FAM184A: variants seen among roughly 807,000 people sequenced by gnomAD.
FAM184A encodes the protein family with sequence similarity 184 member A.
FAM184A carries 99 observed loss-of-function variants against 143.8 expected under a neutral mutation model. That is an observed-to-expected ratio of 0.69 (90% confidence interval 0.58 to 0.81). The LOEUF (loss-of-function observed/expected upper bound fraction) is 0.81. Among genes scored for constraint, FAM184A ranks in the 40% least tolerant of loss-of-function variants. The pLI is 0.00. For missense variants in FAM184A, 1,217 were observed against 1,310.5 expected, an observed-to-expected ratio of 0.93 and a Z score of 1.10; for synonymous variants, 427 against 446.4, an observed-to-expected ratio of 0.96 and a Z score of 0.55.
intron 1 of FAM184A, among the ~76,000 whole-genome samples, chr6:119,140,450 G>A (rs892188854): frequency 5.9e-5 from 9 of 152,182 alleles, no homozygotes; most frequent in African/African-American, 2.2e-4. Flanking sequence ...CACCTTTGAA[G>A]GACAAATGCA....
intron 1 of FAM184A, among the ~76,000 whole-genome samples, chr6:119,095,953 T>C (rs1024261515): frequency 6.6e-6 from 1 of 152,226 alleles, no homozygotes; most frequent in Non-Finnish European, 1.5e-5. Context: ...ATGTTGACTC[T>C]TGTGGGTTCC....
intron 1 of FAM184A, among the ~76,000 whole-genome samples, chr6:119,055,562 A>G (rs1426412674): frequency 6.6e-6 from 1 of 152,102 alleles, no homozygotes. Context: ...TTCATTGTCA[A>G]TTTTTTTATT....
intron 1 of FAM184A, among the ~76,000 whole-genome samples, chr6:119,112,226 G>T (rs9489593): frequency 0.2 from 29,727 of 151,648 alleles, 3,085 homozygotes; most frequent in Non-Finnish European, 0.23. Context: ...CCGCCTCCCG[G>T]GTTCAAGCAA....
intron 6 of FAM184A, 74 bp downstream of exon 6, chr6:119,011,235 C>CT: frequency 7.8e-7 from 1 of 1,286,922 alleles, no homozygotes; most frequent in Non-Finnish European, 1.1e-6. Context: ...ACTTACCTAC[C>CT]TATACAATGT....
chr6:119,014,889 T>C (rs1785191304), intron 5 of FAM184A, among the ~76,000 whole-genome samples: 1 of 151,976 alleles, frequency 6.6e-6, no homozygotes, highest in African/African-American at 2.4e-5. Context: ...TGAAACCCTG[T>C]CTGTACTAAA....
chr6:119,011,187 TA>T, intron 6 of FAM184A, 121 bp downstream of exon 6: 1 of 810,128 alleles, frequency 1.2e-6, no homozygotes, highest in Non-Finnish European at 1.8e-6. Flanking sequence ...TTAAAGTTTT[TA>T]AATTATTTTT....
chr6:119,126,068 G>A (rs1006724039), intron 1 of FAM184A, among the ~76,000 whole-genome samples: 7 of 152,262 alleles, frequency 4.6e-5, no homozygotes, highest in Non-Finnish European at 8.8e-5. Flanking sequence ...AGGTGTCAGC[G>A]AGGGCTGTGA....
intron 1 of FAM184A, among the ~76,000 whole-genome samples, chr6:119,115,309 A>G (rs1205447474): frequency 6.6e-6 from 1 of 152,232 alleles, no homozygotes; most frequent in Non-Finnish European, 1.5e-5. Context: ...GGAAATAAAT[A>G]AGATACGGCT....
intron 1 of FAM184A, among the ~76,000 whole-genome samples, chr6:119,058,423 A>T (rs980531632): frequency 1.1e-4 from 17 of 151,872 alleles, no homozygotes; most frequent in African/African-American, 4.1e-4. Flanking sequence ...GGCTGGTCTC[A>T]AACTCCTGAC....
intron 1 of FAM184A, among the ~76,000 whole-genome samples, chr6:119,066,512 T>C (rs922512748): frequency 1.3e-5 from 2 of 152,178 alleles, no homozygotes; most frequent in African/African-American, 4.8e-5. Flanking sequence ...GAGGGTGCCA[T>C]TGTGCTGCTA....
rs575367151 is a variant in FAM184A at position 118,974,684 on chromosome 6, T to G, written c.2769-110A>C. ...GTTTTTGGTATAATATATAGAAAATTTATGTAAACAGCCTAAATTAAGCTA... is the reference window on the plus strand; with the variant it reads ...GTTTTTGGTATAATATATAGAAAATGTATGTAAACAGCCTAAATTAAGCTA... On this transcript the variant is annotated intron_variant, in intron 13 of 17. Coordinates refer to ENST00000338891, the MANE Select transcript of FAM184A (RefSeq NM_024581.6). 43 of 911,946 alleles carry G rather than the reference T, an allele frequency of 4.7e-5. No homozygotes were observed. In the Admixed American group the frequency reaches 6.1e-4, roughly 13 times the overall value. 56.5% of individuals were successfully genotyped at this position (911,946 alleles called of 1,614,324 possible).
At position 118,975,956 on chromosome 6, in the gene FAM184A, T is replaced by C. The variant is rs771427640; in HGVS notation, c.2544A>G (p.Lys848=). The change falls in exon 12 of 18, where the codon AAA becomes AAG. Residue 848 remains lysine, a synonymous_variant. Transcript: ENST00000338891. ...TGTCTATGCTTCTCTCTAATTCCAT[T>C]TTAGCAGCTGCCAATTCTTGATGAT... ...HNHHQELAAA[K]MELERSIDIS... is the part of the protein sequence containing the mutation. 1.2e-6 allele frequency: 2 copies of C among 1,613,480 alleles called. No homozygotes were observed. The highest frequency in any genetic ancestry group is 1.7e-6 in the Non-Finnish European group (2 of 1,179,900).
chr6:118,962,243 AGT>A (rs1783354239), intron 16 of FAM184A: 1 of 412,484 alleles, frequency 2.4e-6, no homozygotes, highest in African/African-American at 2.0e-5. Context: ...AGGTAAAAAG[AGT>A]GCCAAGGGGT....
chr6:118,961,249 T>G (rs1034417469), intron 17 of FAM184A, among the ~76,000 whole-genome samples: 31 of 151,652 alleles, frequency 2.0e-4, no homozygotes, highest in Admixed American at 1.6e-3. Flanking sequence ...AATTATTTAT[T>G]TTTTCTAAAT....
chr6:119,105,603 C>T (rs1364547374), intron 1 of FAM184A, among the ~76,000 whole-genome samples: 2 of 152,154 alleles, frequency 1.3e-5, no homozygotes, highest in Admixed American at 6.5e-5. Context: ...TGGTTCTTTA[C>T]AGCAGTGTGA....
chr6:119,068,787 G>C (rs184979713), intron 1 of FAM184A, among the ~76,000 whole-genome samples: 1 of 152,224 alleles, frequency 6.6e-6, no homozygotes, highest in African/African-American at 2.4e-5. Flanking sequence ...AAATATATTA[G>C]AGATTTGTAA....
intron 1 of FAM184A, among the ~76,000 whole-genome samples, chr6:119,099,827 C>T (rs1406531534): frequency 2.6e-5 from 4 of 152,138 alleles, no homozygotes; most frequent in African/African-American, 4.8e-5. Context: ...ATCTCTTCAT[C>T]GTATCCTTTG....
Position 119,078,023 on chromosome 6 carries a change from G to T in FAM184A, c.159+118C>A. 8.3e-7 allele frequency: 1 copy of T among 1,207,008 alleles called. No individual in the cohort carries two copies. Among genetic ancestry groups the T allele is most frequent in the Non-Finnish European group, 1.1e-6 (1 of 889,150 alleles). The allele number at this position is 1,207,008 out of a possible 1,614,324, so 74.8% of individuals were successfully genotyped here. A position where few individuals can be genotyped will look rare whatever the true frequency, so the allele number is the denominator to read the frequency against. On this transcript the variant is annotated intron_variant, in intron 1 of 17. Coordinates refer to ENST00000338891, the MANE Select transcript of FAM184A (RefSeq NM_024581.6). This position sits in a 1 kb window ranked among gnomAD's most constrained non-coding sequence, Gnocchi z 5.5. ...TGGAGGTGTCTCCGGCTGTTGCTTC[G>T]GCGGAGGAGTAGAGTTCCCCTCGCT...
Position 118,979,404 on chromosome 6 carries a change from G to A in FAM184A, c.2416C>T (p.Leu806Phe). The change falls in exon 11 of 18, where the codon CTT becomes TTT. Residue 806 changes from leucine (L) to phenylalanine (F), a missense_variant. Physicochemically the swap from Leu to Phe is conservative, Grantham distance 22. Coordinates refer to ENST00000338891, the MANE Select transcript of FAM184A (RefSeq NM_024581.6). The stretch of plus-strand genomic sequence containing the variant: ...CCTTCATCTTCTAATTCAAACCGAA[G>A]AGTCTGAAGTTCCTGTTCCATTTCT... Reference protein sequence around the residue: ...RIEMEQELQTLRFELEDEGKA... With the variant: ...RIEMEQELQTFRFELEDEGKA... The A allele has an allele frequency of 6.2e-7, 1 of 1,613,256 alleles. No individual in the cohort carries two copies. Among genetic ancestry groups the A allele is most frequent in the Non-Finnish European group, 8.5e-7 (1 of 1,179,690 alleles).
Sources: gnomAD v4.1 joint callset for allele counts (sites outside exome capture counted in the v4.1 genomes callset) on GRCh38, gnomAD v4.1.1 for gene constraint, Gnocchi (gnomAD v3.1) non-coding constraint, MANE v1.5 for transcripts, NCBI Gene and HGNC (gene_info 2026-07-23, HGNC 2026-07-21) for gene names.